The following NXPH1 variants were observed in gnomAD, a reference collection of about 807,000 sequenced individuals.
NXPH1 encodes neurexophilin-1.
Under a neutral mutation model 23.7 loss-of-function variants are expected in NXPH1, and 5 were observed. That is an observed-to-expected ratio of 0.21 (90% CI 0.11 to 0.44). The LOEUF (loss-of-function observed/expected upper bound fraction) is 0.44. Ranked by LOEUF, NXPH1 falls within the 20% of genes least tolerant of loss-of-function variation. The pLI is 0.99. For missense variants in NXPH1, 324 were observed against 321.6 expected (o/e 1.01, Z -0.06); for synonymous variants, 144 against 122.2 (o/e 1.18, Z -1.18).
chr7:8,436,763 C>T (rs183072950), intron 2 of NXPH1, among the ~76,000 whole-genome samples: 2 of 152,136 alleles, frequency 1.3e-5, no homozygotes, highest in African/African-American at 4.8e-5. Context: ...GGGTGAGGTG[C>T]GCTAAAGCAG....
At chr7:8,492,869 A>G (rs771649248) in intron 2 of NXPH1, among the ~76,000 whole-genome samples, 9 of 151,836 alleles carry the variant, frequency 5.9e-5, no homozygotes, top group Non-Finnish European at 1.2e-4. Flanking sequence ...TTGGCTGGAA[A>G]CTCTATTTAT....
intron 2 of NXPH1, among the ~76,000 whole-genome samples, chr7:8,699,102 T>G (rs1440200286): frequency 2.0e-5 from 3 of 152,126 alleles, no homozygotes; most frequent in Non-Finnish European, 4.4e-5. Context: ...TTTTGGTCCA[T>G]TATATGATGA....
intron 2 of NXPH1, among the ~76,000 whole-genome samples, chr7:8,530,992 G>A (rs1197987845): frequency 1.4e-4 from 21 of 152,112 alleles, no homozygotes. Context: ...TGTAACCTAA[G>A]GTTTTATATG....
intron 2 of NXPH1, among the ~76,000 whole-genome samples, chr7:8,590,958 A>G (rs866174662): frequency 6.6e-6 from 1 of 152,038 alleles, no homozygotes; most frequent in Admixed American, 6.6e-5. Context: ...CTACTCTTCA[A>G]TTAGGTGTTG....
intron 2 of NXPH1, among the ~76,000 whole-genome samples, chr7:8,511,938 G>T (rs1298655719): frequency 6.6e-6 from 1 of 152,126 alleles, no homozygotes; most frequent in Non-Finnish European, 1.5e-5. Context: ...GACAACTCAG[G>T]AATGGATGAC....
intron 2 of NXPH1, among the ~76,000 whole-genome samples, chr7:8,588,036 A>G (rs1819015037): frequency 6.6e-6 from 1 of 152,322 alleles, no homozygotes; most frequent in Non-Finnish European, 1.5e-5. Flanking sequence ...TACAAATCAA[A>G]ATGACAATGA....
intron 2 of NXPH1, among the ~76,000 whole-genome samples, chr7:8,694,389 A>G (rs972063488): frequency 6.6e-6 from 1 of 152,194 alleles, no homozygotes; most frequent in African/African-American, 2.4e-5. Flanking sequence ...AGTATAGCTC[A>G]GTGCTTTTGG....
At chr7:8,544,433 C>T (rs956369865) in intron 2 of NXPH1, among the ~76,000 whole-genome samples, 2 of 151,532 alleles carry the variant, frequency 1.3e-5, no homozygotes, top group African/African-American at 4.8e-5. Flanking sequence ...AAAACCTCTA[C>T]TTACAGACAA....
At chr7:8,617,417 A>G (rs1278899659) in intron 2 of NXPH1, among the ~76,000 whole-genome samples, 4 of 152,156 alleles carry the variant, frequency 2.6e-5, no homozygotes, top group Non-Finnish European at 4.4e-5. Context: ...GTGTCCATCA[A>G]CAGATGAATG....
At chr7:8,667,166 G>GT (rs76182306) in intron 2 of NXPH1, among the ~76,000 whole-genome samples, 5,333 of 151,098 alleles carry the variant, frequency 0.035, 381 homozygotes, top group East Asian at 0.25. Flanking sequence ...TATTGCAGCT[G>GT]TTTTTTTAAA....
intron 2 of NXPH1, among the ~76,000 whole-genome samples, chr7:8,638,256 C>T (rs1369599063): frequency 1.3e-5 from 2 of 152,108 alleles, no homozygotes; most frequent in Admixed American, 6.6e-5. Context: ...CAACCACATC[C>T]GACAGCTAGG....
chr7:8,729,090 T>G (rs1414329012), intron 2 of NXPH1, among the ~76,000 whole-genome samples: 3 of 152,202 alleles, frequency 2.0e-5, no homozygotes, highest in Admixed American at 6.5e-5. Context: ...CTCGAGGAAT[T>G]TATCCATTTC....
At chr7:8,458,639 A>C (rs1304498174) in intron 2 of NXPH1, among the ~76,000 whole-genome samples, 1 of 152,188 alleles carries the variant, frequency 6.6e-6, no homozygotes, top group African/African-American at 2.4e-5. Context: ...AACCGCTCTC[A>C]GTCATTCAGT....
intron 2 of NXPH1, among the ~76,000 whole-genome samples, chr7:8,562,019 T>A (rs1818454603): frequency 6.6e-6 from 1 of 151,734 alleles, no homozygotes; most frequent in Admixed American, 6.6e-5. Flanking sequence ...ATGGCACTCA[T>A]CATTTATTGA....
chr7:8,621,995 GTAAGTTTA>G (rs1265726356), intron 2 of NXPH1, among the ~76,000 whole-genome samples: 1 of 152,134 alleles, frequency 6.6e-6, no homozygotes, highest in Non-Finnish European at 1.5e-5. Context: ...CACATGTCAT[GTAAGTTTA>G]TAATGGTCCT....
chr7:8,638,866 G>C (rs749639815), intron 2 of NXPH1, among the ~76,000 whole-genome samples: 1 of 152,018 alleles, frequency 6.6e-6, no homozygotes, highest in African/African-American at 2.4e-5. Flanking sequence ...TAGTGGTTAC[G>C]ATCTTTGGGG....
chr7:8,606,423 T>TG (rs111724120), intron 2 of NXPH1, among the ~76,000 whole-genome samples: 5 of 152,270 alleles, frequency 3.3e-5, no homozygotes, highest in African/African-American at 1.2e-4. Context: ...GTTAACAATG[T>TG]GATGTATTTT....
chr7:8,452,003 G>A (rs569220410), intron 2 of NXPH1, among the ~76,000 whole-genome samples: 8 of 152,252 alleles, frequency 5.3e-5, no homozygotes, highest in African/African-American at 1.9e-4. Flanking sequence ...AATGAAAATT[G>A]GGCAGTACAC....
chr7:8,515,263 G>C (rs1369165380), intron 2 of NXPH1, among the ~76,000 whole-genome samples: 1 of 152,078 alleles, frequency 6.6e-6, no homozygotes, highest in Non-Finnish European at 1.5e-5. Flanking sequence ...GGATAAATTA[G>C]AGAACAGTTC....
Sources: allele counts gnomAD v4.1 joint callset (sites outside exome capture counted in the v4.1 genomes callset), GRCh38; gene constraint gnomAD v4.1.1; transcripts MANE v1.5; gene names NCBI Gene and HGNC (gene_info 2026-07-23, HGNC 2026-07-21).